Variants in ASGR2 observed in about 807,000 individuals in gnomAD.
ASGR2 encodes the protein asialoglycoprotein receptor 2, also known as C-type lectin domain family 4 member H2.
A neutral mutation model predicts 32.3 loss-of-function variants in ASGR2; 34 were observed. That is an observed-to-expected ratio of 1.05 (90% CI 0.80 to 1.40). The LOEUF is 1.40. ASGR2 is among the 40% of genes most tolerant of loss of function. The pLI, the probability that ASGR2 is intolerant of heterozygous loss-of-function variation, is 0.00. For synonymous variants in ASGR2, 143 were observed against 150.0 expected (o/e 0.95, Z 0.34); for missense variants, 385 against 386.4 (o/e 1.00, Z 0.03).
chr17:7,112,564 G>C (rs1481388496), intron 2 of ASGR2, among the ~76,000 whole-genome samples: 1 of 152,186 alleles, frequency 6.6e-6, no homozygotes, highest in Non-Finnish European at 1.5e-5. Flanking sequence ...CGGGTGCCGT[G>C]TGGGCACTGG....
chr17:7,114,766 A>G lies in ASGR2; in HGVS notation c.-222T>C. On this transcript the variant is annotated 5_prime_UTR_variant, in exon 1 of 9. Transcript: ENST00000691900. This position sits in a 1 kb window ranked among gnomAD's most constrained non-coding sequence, Gnocchi z 4.5. ...CTGGTCCGGGCAAGGCCTGCACTGG[A>G]GGGTCTGAGTGTCCAAGCTCTAACC... 1 of 994,530 alleles carries G rather than the reference A, an allele frequency of 1.0e-6. No homozygotes were observed. The highest frequency in any genetic ancestry group is 1.2e-6 in the Non-Finnish European group (1 of 835,272). 61.6% of individuals were successfully genotyped at this position (994,530 alleles called of 1,614,324 possible). A position where few individuals can be genotyped will look rare whatever the true frequency, so the allele number is the denominator to read the frequency against.
Position 7,107,051 on chromosome 17 carries a change from G to C in ASGR2, c.597C>G (p.Tyr199Ter). Residue 199 changes from tyrosine to a stop codon, truncating the protein, a stop_gained, in exon 7 of 9, where the codon TAC (tyrosine) becomes TAG (stop). Coordinates refer to ENST00000691900, the MANE Select transcript of ASGR2 (RefSeq NM_001201352.2). LOFTEE classifies it high-confidence loss of function. This position sits in a 1 kb window ranked among gnomAD's most constrained non-coding sequence, Gnocchi z 5.0. The part of the protein sequence containing the change: ...SGKAWAEAEK[Y>*]CQLENAHLVV... ...CCAGGTGTGCGTTCTCCAGCTGGCAGTACTTCTCCGCCTCAGCCCAGGCCT... is the reference window on the plus strand; with the variant it reads ...CCAGGTGTGCGTTCTCCAGCTGGCACTACTTCTCCGCCTCAGCCCAGGCCT... 6.2e-7 allele frequency: 1 copy of C among 1,614,212 alleles called. No homozygotes were observed. The highest frequency in any genetic ancestry group is 8.5e-7 in the Non-Finnish European group (1 of 1,180,044).
chr17:7,105,298 A>G (rs1913499867), intron 7 of ASGR2, among the ~76,000 whole-genome samples: 1 of 152,150 alleles, frequency 6.6e-6, no homozygotes, highest in African/African-American at 2.4e-5. Flanking sequence ...AGGGTTAAAC[A>G]TATCTATTAG....
At chr17:7,115,125 G>A (rs35310447), upstream of ASGR2, 3 of 574,506 alleles carry the variant, frequency 5.2e-6, no homozygotes, top group African/African-American at 4.1e-5. This position sits in a 1 kb window ranked among gnomAD's most constrained non-coding sequence, Gnocchi z 4.2. Context: ...TGCCCAATCC[G>A]GCATCTGAAC....
At chr17:7,105,530 C>T (rs1913545720) in intron 7 of ASGR2, among the ~76,000 whole-genome samples, 1 of 151,938 alleles carries the variant, frequency 6.6e-6, no homozygotes, top group South Asian at 2.1e-4. Context: ...ATGCAAAAAA[C>T]TACCCAGGTA....
intron 7 of ASGR2, among the ~76,000 whole-genome samples, chr17:7,106,008 C>T (rs1005002066): frequency 1.3e-5 from 2 of 151,962 alleles, no homozygotes; most frequent in South Asian, 2.1e-4. Context: ...AGGCTGGTCT[C>T]GAACTCCTGA....
At position 7,113,358 on chromosome 17, in the gene ASGR2, C is replaced by T. The variant is rs1914972552; in HGVS notation, c.124+759G>A. ...CACACTCACGCAACACACTCACACACACAACATACATAACACACTCACAAC... is the reference window on the plus strand; with the variant it reads ...CACACTCACGCAACACACTCACACATACAACATACATAACACACTCACAAC... On this transcript the variant is annotated intron_variant, in intron 2 of 8. Coordinates refer to ENST00000691900, the MANE Select transcript of ASGR2 (RefSeq NM_001201352.2). The surrounding 1 kb of genome is among the most constrained non-coding windows in gnomAD (Gnocchi z 5.1). Among the ~76,000 whole-genome samples, 2 of 150,942 alleles carry T rather than the reference C, an allele frequency of 1.3e-5. No homozygotes were observed. Among genetic ancestry groups the T allele is most frequent in the Admixed American group, 1.3e-4 (2 of 15,052 alleles).
In ASGR2 at chr17:7,108,445, G is replaced by A. The variant is rs370992293; in HGVS notation, c.337+17C>T. ...ACCTGTGCGGATAAATGAGAACCCA[G>A]CCGTCCAGCCCCTCACCGTGGGTGC... On this transcript the variant is annotated intron_variant, in intron 4 of 8. Coordinates refer to ENST00000691900, the MANE Select transcript of ASGR2 (RefSeq NM_001201352.2). The surrounding 1 kb of genome is among the most constrained non-coding windows in gnomAD (Gnocchi z 4.9). 1.9e-4 allele frequency: 295 copies of A among 1,575,692 alleles called. No homozygotes were observed. Among genetic ancestry groups the A allele is most frequent in the Middle Eastern group, 1.7e-3 (10 of 5,908 alleles).
Position 7,105,003 on chromosome 17 carries a change from T to C in ASGR2, c.648+1997A>G, listed in dbSNP as rs1361454798. Among the ~76,000 whole-genome samples, 5 of 151,374 alleles carry C rather than the reference T, an allele frequency of 3.3e-5. No homozygotes were observed. The East Asian group carries it at 9.7e-4, about 29-fold the overall frequency. On this transcript the variant is annotated intron_variant, in intron 7 of 8. Coordinates refer to ENST00000691900, the MANE Select transcript of ASGR2 (RefSeq NM_001201352.2). ...AAAAAAAAAAAATTTTTTTTTTTTT[T>C]CAGATACAACACTTAAGGAACCTAG... is the stretch of plus-strand genomic sequence containing the variant.
intron 2 of ASGR2, among the ~76,000 whole-genome samples, chr17:7,110,658 A>G (rs1409905964): frequency 2.0e-5 from 3 of 152,240 alleles, no homozygotes; most frequent in Non-Finnish European, 4.4e-5. Context: ...TGCTCGGATA[A>G]TTAGATGAGT....
intron 2 of ASGR2, among the ~76,000 whole-genome samples, chr17:7,111,656 C>CA (rs771750801): frequency 0.011 from 802 of 73,502 alleles, 8 homozygotes; most frequent in African/African-American, 0.033. Context: ...ACTCCGCCTC[C>CA]AAAAAAAAAA....
Position 7,108,991 on chromosome 17 carries a change from TG to T in ASGR2, c.125-104del. The T allele has an allele frequency of 6.9e-6, 4 of 577,618 alleles. No individual in the cohort carries two copies. The highest frequency in any genetic ancestry group is 1.1e-5 in the Non-Finnish European group (4 of 365,080). 35.8% of individuals were successfully genotyped at this position (577,618 alleles called of 1,614,324 possible). ...GGAGGCATAACCTGGGCGGGGGGAT[TG>T]GTTGGGGCCATGGGGGGGGGTCATC... On this transcript the variant is annotated intron_variant, in intron 2 of 8. Coordinates refer to ENST00000691900, the MANE Select transcript of ASGR2 (RefSeq NM_001201352.2). The surrounding 1 kb of genome is among the most constrained non-coding windows in gnomAD (Gnocchi z 4.9).
At position 7,102,008 on chromosome 17, in the gene ASGR2, G is replaced by C. The variant is rs1912894559; in HGVS notation, c.755+82C>G. On this transcript the variant is annotated intron_variant, in intron 8 of 8. Coordinates refer to ENST00000691900, the MANE Select transcript of ASGR2 (RefSeq NM_001201352.2). ...TTGGGGAATTTGGTCCCTGAGGGACGAGTCAGGGTAGCTTGGAGTGAAAGG... is the reference window on the plus strand; with the variant it reads ...TTGGGGAATTTGGTCCCTGAGGGACCAGTCAGGGTAGCTTGGAGTGAAAGG... 2.2e-6 allele frequency: 3 copies of C among 1,377,446 alleles called. No homozygotes were observed. The Admixed American group carries it at 5.2e-5, about 24-fold the overall frequency. The allele number at this position is 1,377,446 out of a possible 1,614,324, so 85.3% of individuals were successfully genotyped here.
chr17:7,112,422 C>T (rs989459505), intron 2 of ASGR2, among the ~76,000 whole-genome samples: 4 of 152,184 alleles, frequency 2.6e-5, no homozygotes, highest in South Asian at 2.1e-4. Flanking sequence ...TCAGCCCATT[C>T]GCGTGAGCTC....
rs780346589 is a variant in ASGR2 at position 7,114,106 on chromosome 17, T to G, written c.124+11A>C. On this transcript the variant is annotated intron_variant, in intron 2 of 8. Coordinates refer to ENST00000691900, the MANE Select transcript of ASGR2 (RefSeq NM_001201352.2). This position sits in a 1 kb window ranked among gnomAD's most constrained non-coding sequence, Gnocchi z 4.5. Reference sequence around the variant, plus strand: ...AGAGGGGGAGCAAAGCCGCAGAAACTGCACACTTGCCTTTCAAAAATGGAT... The same window carrying G: ...AGAGGGGGAGCAAAGCCGCAGAAACGGCACACTTGCCTTTCAAAAATGGAT... 6.2e-7 allele frequency: 1 copy of G among 1,614,128 alleles called. No homozygotes were observed.
rs1915017800 is a variant in ASGR2, at chr17:7,113,495, ACAC to A, written c.124+619_124+621del. Among the ~76,000 whole-genome samples the A allele has an allele frequency of 6.7e-6, 1 of 150,338 alleles. No individual in the cohort carries two copies. Among genetic ancestry groups the A allele is most frequent in the Non-Finnish European group, 1.5e-5 (1 of 67,498 alleles). ...CACACAATACACACACACAACACACACACAACATACACAACGTACACACACACA... is the reference window on the plus strand; with the variant it reads ...CACACAATACACACACACAACACACAAACATACACAACGTACACACACACA... On this transcript the variant is annotated intron_variant, in intron 2 of 8. Coordinates refer to ENST00000691900, the MANE Select transcript of ASGR2 (RefSeq NM_001201352.2). The surrounding 1 kb of genome is among the most constrained non-coding windows in gnomAD (Gnocchi z 5.1).
rs540562431 is a variant in ASGR2 at position 7,107,377 on chromosome 17, G to C, written c.410-60C>G. 6.4e-7 allele frequency: 1 copy of C among 1,567,170 alleles called. No homozygotes were observed. Among genetic ancestry groups the C allele is most frequent in the East Asian group, 2.3e-5 (1 of 44,180 alleles). The stretch of plus-strand genomic sequence containing the variant: ...TGTGGTCCCCACCTGCTAGGCTCCA[G>C]CCTGTGGCTGGGGAAGCATATACAC... On this transcript the variant is annotated intron_variant, in intron 5 of 8. Transcript: ENST00000691900. The surrounding 1 kb of genome is among the most constrained non-coding windows in gnomAD (Gnocchi z 5.0).
Position 7,107,869 on chromosome 17 carries a change from T to C in ASGR2, c.376A>G (p.Lys126Glu), listed in dbSNP as rs1914053567. The C allele has an allele frequency of 1.2e-6, 2 of 1,612,576 alleles. No homozygotes were observed. The highest frequency in any genetic ancestry group is 1.7e-5 in the Admixed American group (1 of 59,988). Residue 126 changes from lysine (K) to glutamate (E), a missense_variant, in exon 5 of 9, where the codon AAG (lysine) becomes GAG (glutamate). Lys to Glu is a moderately conservative substitution (Grantham distance 56). Transcript: ENST00000691900. This position sits in a 1 kb window ranked among gnomAD's most constrained non-coding sequence, Gnocchi z 5.0. ...AGGTCCTGCTGCTGTTTCTCCAGCTTGGCTCCTAGGGATGTGATCTTGTCA... is the reference window on the plus strand; with the variant it reads ...AGGTCCTGCTGCTGTTTCTCCAGCTCGGCTCCTAGGGATGTGATCTTGTCA... Reference protein sequence around the residue: ...VGDKITSLGAKLEKQQQDLKA... With the variant: ...VGDKITSLGAELEKQQQDLKA...
intron 7 of ASGR2, among the ~76,000 whole-genome samples, chr17:7,104,372 C>CAAAAAAAAAAA (rs1478649379): frequency 2.4e-5 from 2 of 85,040 alleles, no homozygotes; most frequent in Admixed American, 1.3e-4. Flanking sequence ...AAAAAAAAAG[C>CAAAAAAAAAAA]CAGGCGTAGT....
Sources: allele counts gnomAD v4.1 joint callset (sites outside exome capture counted in the v4.1 genomes callset), GRCh38; gene constraint gnomAD v4.1.1; non-coding constraint Gnocchi (gnomAD v3.1); transcripts MANE v1.5; gene names NCBI Gene and HGNC (gene_info 2026-07-23, HGNC 2026-07-21).